Variants in NECTIN3 observed in about 807,000 individuals in gnomAD.
NECTIN3 encodes nectin-3.
NECTIN3 carries 8 observed loss-of-function variants against 49.4 expected under a neutral mutation model. The observed-to-expected ratio is 0.16, with a 90% CI of 0.10 to 0.29. The LOEUF (loss-of-function observed/expected upper bound fraction) is 0.29, where lower values mean the gene tolerates loss of function less well. NECTIN3 is among the 10% of genes least tolerant of loss of function. The pLI is 1.00. For synonymous variants in NECTIN3, 277 were observed against 241.1 expected (o/e 1.15, Z -1.38); for missense variants, 581 against 654.6 (o/e 0.89, Z 1.23).
intron 1 of NECTIN3, chr3:111,193,096 C>G: frequency 1.0e-6 from 1 of 1,003,062 alleles, no homozygotes; most frequent in South Asian, 1.7e-5. Flanking sequence ...CATAATGAAT[C>G]AGGGACACTA....
intron 7 of NECTIN3, among the ~76,000 whole-genome samples, chr3:111,166,353 G>A (rs927863858): frequency 2.0e-5 from 3 of 146,720 alleles, no homozygotes; most frequent in South Asian, 2.1e-4. Context: ...ACAATGTTAT[G>A]TCCACCATGC....
In NECTIN3 at chr3:111,072,004, G is replaced by C. The variant is rs1330295998; in HGVS notation, c.-14G>C. ...GGGGGCGGGCGGGCGAGCGGGCCGG[G>C]GGGAGGGTGGGGGATGGCGCGGACC... On this transcript the variant is annotated 5_prime_UTR_variant, in exon 1 of 6. Transcript: ENST00000485303. The C allele has an allele frequency of 1.3e-6, 2 of 1,485,250 alleles. No individual in the cohort carries two copies. Among genetic ancestry groups the C allele is most frequent in the Non-Finnish European group, 9.0e-7 (1 of 1,116,306 alleles). 92.0% of individuals were successfully genotyped at this position (1,485,250 alleles called of 1,614,324 possible).
rs72937928 is a variant in NECTIN3, at chr3:111,135,363, G to T, written c.*1148G>T. 1.1e-6 allele frequency: 1 copy of T among 937,004 alleles called. No homozygotes were observed. Among genetic ancestry groups the T allele is most frequent in the Admixed American group, 6.2e-5 (1 of 16,088 alleles). The allele number at this position is 937,004 out of a possible 1,614,324, so 58.0% of individuals were successfully genotyped here. The stretch of plus-strand genomic sequence containing the variant: ...TGTGTTTTAAGATTTCTGTTTTTAC[G>T]ATTAAAACTGGAAACATGAGGTTTT... On this transcript the variant is annotated 3_prime_UTR_variant, in exon 6 of 6. Coordinates refer to ENST00000485303, the MANE Select transcript of NECTIN3 (RefSeq NM_015480.3).
At chr3:111,152,149 T>C (rs1375458730) in intron 7 of NECTIN3, among the ~76,000 whole-genome samples, 1 of 151,914 alleles carries the variant, frequency 6.6e-6, no homozygotes, top group Non-Finnish European at 1.5e-5. Flanking sequence ...TTACATAGTT[T>C]GTAATGTCAA....
intron 4 of NECTIN3, among the ~76,000 whole-genome samples, chr3:111,123,556 A>G (rs1172342241): frequency 6.6e-6 from 1 of 152,044 alleles, no homozygotes; most frequent in Non-Finnish European, 1.5e-5. Context: ...TGGCCAGTTT[A>G]TTTCTAGAAT....
chr3:111,097,989 A>G (rs1024491050), intron 1 of NECTIN3, among the ~76,000 whole-genome samples: 5 of 152,192 alleles, frequency 3.3e-5, no homozygotes, highest in Admixed American at 1.3e-4. Flanking sequence ...CTTGAGTTAC[A>G]TTACTAGAAT....
In NECTIN3 at chr3:111,136,727, T is replaced by A. The variant is rs887357834; in HGVS notation, c.*2512T>A. The A allele has an allele frequency of 2.2e-6, 2 of 919,214 alleles. No homozygotes were observed. The highest frequency in any genetic ancestry group is 3.6e-5 in the African/African-American group (2 of 55,568). 56.9% of individuals were successfully genotyped at this position (919,214 alleles called of 1,614,324 possible). On this transcript the variant is annotated 3_prime_UTR_variant, in exon 6 of 6. Coordinates refer to ENST00000485303, the MANE Select transcript of NECTIN3 (RefSeq NM_015480.3). ...TTGGCCATATTTATATTTATTTCTT[T>A]CATATGGTTTGAACTGTTTTAGCAT...
At chr3:111,160,539 A>G (rs891091081) in intron 7 of NECTIN3, among the ~76,000 whole-genome samples, 1 of 152,130 alleles carries the variant, frequency 6.6e-6, no homozygotes, top group Non-Finnish European at 1.5e-5. Flanking sequence ...GTATCTTGCT[A>G]TTTTTACCGA....
intron 1 of NECTIN3, chr3:111,193,150 A>G (rs1250360831): frequency 2.0e-6 from 3 of 1,474,856 alleles, no homozygotes; most frequent in South Asian, 2.4e-5. Context: ...CCAGTGCTAG[A>G]AAAATGCAAA....
At position 111,157,240 on chromosome 3, in the gene NECTIN3, C is replaced by T. The variant is rs140480599; in HGVS notation, c.1221+9756C>T. Among the ~76,000 whole-genome samples, 916 of 152,152 alleles carry T rather than the reference C, an allele frequency of 6.0e-3. 6 individuals are homozygous for T. The highest frequency in any genetic ancestry group is 0.021 in the African/African-American group (852 of 41,550). ...GCATTAGGCCTGTTAAAATCATTTT[C>T]GTATTTACTAATGTGTCACAACTTA... On this transcript the variant is annotated intron_variant, in intron 7 of 8. Transcript: ENST00000493615.
chr3:111,136,842 A>AT lies in NECTIN3; in HGVS notation c.*2633dup, dbSNP rs1198694914. ...TGAATGCAACTCTTATTTTTCTGCC[A>AT]TTTTTTATTAAAATACATTGAAACT... On this transcript the variant is annotated 3_prime_UTR_variant, in exon 6 of 6. Transcript: ENST00000485303. 1.0e-6 allele frequency: 1 copy of AT among 959,984 alleles called. No individual in the cohort carries two copies. Among genetic ancestry groups the AT allele is most frequent in the African/African-American group, 1.8e-5 (1 of 56,676 alleles). The allele number at this position is 959,984 out of a possible 1,614,324, so 59.5% of individuals were successfully genotyped here.
intron 1 of NECTIN3, among the ~76,000 whole-genome samples, chr3:111,104,227 AT>A (rs2033062500): frequency 7.0e-6 from 1 of 141,950 alleles, no homozygotes; most frequent in African/African-American, 2.6e-5. Flanking sequence ...GCAGTACCTT[AT>A]TTTAGTTTTA....
At chr3:111,113,760 G>A (rs2033571358) in intron 2 of NECTIN3, among the ~76,000 whole-genome samples, 1 of 152,104 alleles carries the variant, frequency 6.6e-6, no homozygotes, top group South Asian at 2.1e-4. Context: ...GAGGCAGATG[G>A]ATCACTTGAG....
intron 7 of NECTIN3, among the ~76,000 whole-genome samples, chr3:111,182,890 C>A (rs1018230436): frequency 6.6e-6 from 1 of 151,892 alleles, no homozygotes; most frequent in Admixed American, 6.6e-5. Flanking sequence ...TATTTGTCTT[C>A]TGTTTGTCCC....
At chr3:111,187,522 T>C (rs2035743006), upstream of NECTIN3, among the ~76,000 whole-genome samples, 3 of 152,222 alleles carry the variant, frequency 2.0e-5, no homozygotes, top group Admixed American at 6.5e-5. Flanking sequence ...TGAATGTTTA[T>C]AGCAGCTCAA....
downstream of NECTIN3, among the ~76,000 whole-genome samples, chr3:111,138,175 A>G (rs2034646869): frequency 6.6e-6 from 1 of 151,628 alleles, no homozygotes; most frequent in African/African-American, 2.4e-5. Context: ...TAGAAATGCC[A>G]TTGCTTTGAA....
intron 1 of NECTIN3, 160 bp downstream of exon 1, chr3:111,072,337 C>T (rs1446639341): frequency 2.1e-6 from 3 of 1,439,434 alleles, no homozygotes; most frequent in East Asian, 5.2e-5. Context: ...GCGCCCGGGG[C>T]GAGGCCCTGG....
intron 7 of NECTIN3, among the ~76,000 whole-genome samples, chr3:111,173,162 A>G (rs2035464688): frequency 1.3e-5 from 2 of 152,090 alleles, no homozygotes; most frequent in Admixed American, 1.3e-4. Flanking sequence ...AGATCATGTC[A>G]CTCCCCTTTA....
chr3:111,094,020 A>G (rs1036503631), intron 1 of NECTIN3, among the ~76,000 whole-genome samples: 3 of 152,156 alleles, frequency 2.0e-5, no homozygotes, highest in African/African-American at 2.4e-5. Context: ...TTCATTGGAT[A>G]TAAATTGTCA....
Sources: gnomAD v4.1 joint callset for allele counts (sites outside exome capture counted in the v4.1 genomes callset) on GRCh38, gnomAD v4.1.1 for gene constraint, MANE v1.5 for transcripts, NCBI Gene and HGNC (gene_info 2026-07-23, HGNC 2026-07-21) for gene names.